TMEM200A: variants seen among roughly 807,000 people sequenced by gnomAD.
TMEM200A encodes the protein transmembrane protein 200A.
In TMEM200A, 12 loss-of-function variants were observed where a neutral mutation model predicts 24.3. The observed-to-expected ratio is 0.49, with a 90% CI of 0.32 to 0.80. TMEM200A has a LOEUF of 0.80. Ranked by LOEUF, TMEM200A falls within the 30% of genes least tolerant of loss-of-function variation. The pLI is 0.04. For synonymous variants in TMEM200A, 224 were observed against 224.4 expected, an observed-to-expected ratio of 1.00 and a Z score of 0.02; for missense variants, 545 against 614.4, an observed-to-expected ratio of 0.89 and a Z score of 1.19.
At position 130,441,061 on chromosome 6, in the gene TMEM200A, C is replaced by G. The variant is rs1452995380; in HGVS notation, c.639C>G (p.Phe213Leu). ...SRLAANTIAS[F>L]SGFRSSFRMD... is the part of the protein sequence containing the mutation. ...TGGCAGCAAATACGATCGCCTCTTTCTCGGGTTTTCGGAGCAGTTTTCGAA... is the reference window on the plus strand; with the variant it reads ...TGGCAGCAAATACGATCGCCTCTTTGTCGGGTTTTCGGAGCAGTTTTCGAA... Residue 213 changes from phenylalanine to leucine, a missense_variant, in exon 3 of 3, where the codon TTC becomes TTG. Phe to Leu is a conservative substitution (Grantham distance 22). Coordinates refer to ENST00000296978, the MANE Select transcript of TMEM200A (RefSeq NM_001258277.2). 1 of 1,613,890 alleles carries G rather than the reference C, an allele frequency of 6.2e-7. No homozygotes were observed. Among genetic ancestry groups the G allele is most frequent in the Non-Finnish European group, 8.5e-7 (1 of 1,179,994 alleles).
At chr6:130,429,036 T>C (rs1404615456) in intron 2 of TMEM200A, among the ~76,000 whole-genome samples, 1 of 152,152 alleles carries the variant, frequency 6.6e-6, no homozygotes, top group East Asian at 1.9e-4. Context: ...AGGTCTATGT[T>C]AAAAAAACTA....
intron 1 of TMEM200A, among the ~76,000 whole-genome samples, chr6:130,374,393 AGTTTTTGTTTTT>A (rs68138664): frequency 2.7e-5 from 4 of 147,088 alleles, no homozygotes; most frequent in South Asian, 2.2e-4. Flanking sequence ...AAAATGCCTG[AGTTTTTGTTTTT>A]GTTTTTGTTT....
At chr6:130,397,468 C>T (rs754686111) in intron 2 of TMEM200A, among the ~76,000 whole-genome samples, 1 of 152,022 alleles carries the variant, frequency 6.6e-6, no homozygotes, top group African/African-American at 2.4e-5. Flanking sequence ...GTTCATTTTG[C>T]CATGATGTAA....
At chr6:130,440,171 G>GA (rs771387259) in intron 2 of TMEM200A, among the ~76,000 whole-genome samples, 1 of 151,862 alleles carries the variant, frequency 6.6e-6, no homozygotes, top group Non-Finnish European at 1.5e-5. Context: ...AAATGTAACT[G>GA]AAAAAATAAT....
intron 2 of TMEM200A, among the ~76,000 whole-genome samples, chr6:130,385,446 T>G (rs575415750): frequency 1.8e-4 from 28 of 152,326 alleles, no homozygotes; most frequent in African/African-American, 6.5e-4. Context: ...CAATAAGCAT[T>G]TTTAAATTAA....
intron 1 of TMEM200A, chr6:130,383,107 T>C: frequency 1.0e-6 from 1 of 971,146 alleles, no homozygotes. Flanking sequence ...ATTTGTCACA[T>C]TCAATTGAAT....
chr6:130,367,595 G>A (rs1778214110), intron 1 of TMEM200A, among the ~76,000 whole-genome samples: 1 of 152,186 alleles, frequency 6.6e-6, no homozygotes, highest in Admixed American at 6.5e-5. Context: ...TTTGTGAAAA[G>A]TAGACTAAAT....
intron 2 of TMEM200A, among the ~76,000 whole-genome samples, chr6:130,426,468 C>CG (rs951328114): frequency 6.0e-5 from 9 of 150,614 alleles, no homozygotes; most frequent in African/African-American, 2.2e-4. Context: ...CAGCCCCCCC[C>CG]CCCTCAGTTT....
chr6:130,373,612 G>A (rs911729892), intron 1 of TMEM200A, among the ~76,000 whole-genome samples: 1 of 152,054 alleles, frequency 6.6e-6, no homozygotes, highest in African/African-American at 2.4e-5. Context: ...CCAAATATTT[G>A]ATATTATAAA....
At chr6:130,423,164 C>T (rs1471831110) in intron 2 of TMEM200A, among the ~76,000 whole-genome samples, 4 of 152,232 alleles carry the variant, frequency 2.6e-5, no homozygotes, top group East Asian at 1.9e-4. Flanking sequence ...AGCTCTTTTT[C>T]GAATGGCTTA....
intron 2 of TMEM200A, among the ~76,000 whole-genome samples, chr6:130,417,715 ATT>A (rs1779489428): frequency 3.9e-5 from 6 of 152,166 alleles, no homozygotes; most frequent in Admixed American, 3.9e-4. Flanking sequence ...CACACACAAA[ATT>A]TTAAAAACTC....
At chr6:130,436,630 C>CTTT (rs1583233634) in intron 2 of TMEM200A, among the ~76,000 whole-genome samples, 1,368 of 66,682 alleles carry the variant, frequency 0.021, 524 homozygotes, top group East Asian at 0.04. Flanking sequence ...TTTTCTTTAT[C>CTTT]CTTTTTTTTT....
intron 1 of TMEM200A, chr6:130,383,197 A>G (rs1023811336): frequency 8.7e-6 from 3 of 344,614 alleles, no homozygotes; most frequent in African/African-American, 6.7e-5. Flanking sequence ...AACACGTCAT[A>G]TCAAACCAAG....
At chr6:130,413,997 T>C (rs2115166660) in intron 2 of TMEM200A, among the ~76,000 whole-genome samples, 1 of 152,336 alleles carries the variant, frequency 6.6e-6, no homozygotes, top group African/African-American at 2.4e-5. Context: ...TAGAGTATTA[T>C]TTATTTTTTA....
chr6:130,403,065 CTTCT>C (rs1489061569), intron 2 of TMEM200A, among the ~76,000 whole-genome samples: 1 of 152,060 alleles, frequency 6.6e-6, no homozygotes, highest in African/African-American at 2.4e-5. Flanking sequence ...GGCTGTCCTG[CTTCT>C]TTCTTTATAT....
At chr6:130,415,688 T>C (rs1779433812) in intron 2 of TMEM200A, among the ~76,000 whole-genome samples, 1 of 152,162 alleles carries the variant, frequency 6.6e-6, no homozygotes, top group African/African-American at 2.4e-5. Context: ...AACCCTCCTT[T>C]TCCTGCTGCC....
chr6:130,395,581 T>A (rs1021937359), intron 2 of TMEM200A, among the ~76,000 whole-genome samples: 4 of 152,194 alleles, frequency 2.6e-5, no homozygotes, highest in African/African-American at 7.2e-5. Context: ...GTAATTTTTT[T>A]AAAAAAGCTT....
At chr6:130,374,416 T>G (rs1329046233) in intron 1 of TMEM200A, among the ~76,000 whole-genome samples, 2 of 143,310 alleles carry the variant, frequency 1.4e-5, no homozygotes, top group Admixed American at 6.8e-5. Flanking sequence ...GTTTTTGTTT[T>G]TGTTTTTTTT....
intron 1 of TMEM200A, among the ~76,000 whole-genome samples, chr6:130,367,308 T>C (rs924444035): frequency 1.3e-5 from 2 of 152,248 alleles, no homozygotes; most frequent in Non-Finnish European, 2.9e-5. Context: ...AAAGTGTCTC[T>C]TGCCTTGTCT....
Sources: allele counts gnomAD v4.1 joint callset (sites outside exome capture counted in the v4.1 genomes callset), GRCh38; gene constraint gnomAD v4.1.1; transcripts MANE v1.5; gene names NCBI Gene and HGNC (gene_info 2026-07-23, HGNC 2026-07-21).